The following BBS9 variants were observed in gnomAD, a reference collection of about 807,000 sequenced individuals.
BBS9 encodes the protein protein PTHB1.
In BBS9, 89 loss-of-function variants were observed where a neutral mutation model predicts 117.7. The ratio of observed to expected loss-of-function variants is 0.76; its 90% confidence interval spans 0.64 to 0.90. The LOEUF is 0.90. Ranked by LOEUF, BBS9 falls within the 40% of genes least tolerant of loss-of-function variation. BBS9 has a pLI of 0.00. For synonymous variants in BBS9, 379 were observed against 370.9 expected (o/e 1.02, Z -0.25); for missense variants, 982 against 1,042.2 (o/e 0.94, Z 0.80).
In BBS9 at chr7:33,180,763, C is replaced by T. The variant is rs138471733; in HGVS notation, c.442+3172C>T. Among the ~76,000 whole-genome samples, 713 of 152,262 alleles carry T rather than the reference C, an allele frequency of 4.7e-3. 3 individuals are homozygous for T. Among genetic ancestry groups the T allele is most frequent in the Middle Eastern group, 0.01 (3 of 294 alleles). Reference sequence around the variant, plus strand: ...GCCCATTCTCTCCTGGAGAACAGGTCTCCAGTTGCCTCTTGTAGGGAGAAA... The same window carrying T: ...GCCCATTCTCTCCTGGAGAACAGGTTTCCAGTTGCCTCTTGTAGGGAGAAA... On this transcript the variant is annotated intron_variant, in intron 5 of 22. Coordinates refer to ENST00000242067, the MANE Select transcript of BBS9 (RefSeq NM_198428.3).
chr7:33,171,560 A>T (rs1038000624), intron 4 of BBS9, among the ~76,000 whole-genome samples: 1 of 152,220 alleles, frequency 6.6e-6, no homozygotes, highest in Non-Finnish European at 1.5e-5. Context: ...AACTAATTTT[A>T]TATCAGTATT....
At chr7:33,358,040 G>A (rs766037898) in intron 16 of BBS9, 45 bp downstream of exon 16, 1 of 1,582,732 alleles carries the variant, frequency 6.3e-7, no homozygotes, top group African/African-American at 1.3e-5. Context: ...AAAATGCTAA[G>A]AATTTAGAAT....
intron 5 of BBS9, among the ~76,000 whole-genome samples, chr7:33,207,485 G>A (rs2128220395): frequency 6.7e-6 from 1 of 150,206 alleles, no homozygotes; most frequent in South Asian, 2.1e-4. Flanking sequence ...TCCCAGATTT[G>A]GCCAGTGGGA....
intron 20 of BBS9, among the ~76,000 whole-genome samples, chr7:33,522,649 C>A (rs895609018): frequency 6.6e-6 from 1 of 150,894 alleles, no homozygotes. Context: ...GGATATTAGC[C>A]CTTTGTCAGA....
downstream of BBS9, among the ~76,000 whole-genome samples, chr7:33,610,970 T>C: frequency 6.6e-6 from 1 of 152,084 alleles, no homozygotes; most frequent in East Asian, 1.9e-4. Context: ...CCATGAATTG[T>C]CCCAAAAGGG....
chr7:33,486,796 T>G (rs904086546), intron 19 of BBS9, among the ~76,000 whole-genome samples: 1 of 152,206 alleles, frequency 6.6e-6, no homozygotes, highest in African/African-American at 2.4e-5. Flanking sequence ...GTGACCCTGG[T>G]AGCCATTCAG....
chr7:33,520,539 A>C (rs1014894205), intron 20 of BBS9, among the ~76,000 whole-genome samples: 6 of 152,200 alleles, frequency 3.9e-5, no homozygotes, highest in African/African-American at 1.4e-4. Context: ...GATACAGAGA[A>C]CTAAAATAAT....
At chr7:33,409,956 C>A (rs774562090) in intron 19 of BBS9, among the ~76,000 whole-genome samples, 21 of 152,088 alleles carry the variant, frequency 1.4e-4, no homozygotes, top group Middle Eastern at 3.2e-3. Context: ...CATGCCTTTT[C>A]CAGTTATCTG....
intron 21 of BBS9, among the ~76,000 whole-genome samples, chr7:33,593,265 T>A (rs1263558499): frequency 1.3e-5 from 2 of 152,152 alleles, no homozygotes. Flanking sequence ...AAGCAAATAT[T>A]AACTTTCTTT....
rs1465282545 is a variant in BBS9, at chr7:33,459,458, CCAGCCCAAAATGTCCACAGGG to C, written c.2116-46003_2116-45983del. Among the ~76,000 whole-genome samples the C allele has an allele frequency of 7.0e-3, 1,066 of 152,060 alleles. 15 individuals are homozygous for C. Among genetic ancestry groups the C allele is most frequent in the African/African-American group, 0.025 (1,025 of 41,508 alleles). On this transcript the variant is annotated intron_variant, in intron 19 of 22. Transcript: ENST00000242067. ...AGCAGCCCTCACAGCAAACAAGTAT[CCAGCCCAAAATGTCCACAGGG>C]CTGAGGTTGAGAAGCTCTGCTCTAT...
At chr7:33,437,535 C>T (rs865776746) in intron 19 of BBS9, among the ~76,000 whole-genome samples, 1 of 152,172 alleles carries the variant, frequency 6.6e-6, no homozygotes, top group African/African-American at 2.4e-5. Context: ...TACTACTACA[C>T]AAGAAGTCAT....
chr7:33,191,117 G>A (rs1278384515), intron 5 of BBS9, among the ~76,000 whole-genome samples: 2 of 152,126 alleles, frequency 1.3e-5, no homozygotes, highest in South Asian at 2.1e-4. Context: ...ACCTAGAGTG[G>A]GGCTTAGGTG....
intron 1 of BBS9, among the ~76,000 whole-genome samples, chr7:33,135,442 T>C (rs1298643527): frequency 6.6e-6 from 1 of 152,244 alleles, no homozygotes; most frequent in African/African-American, 2.4e-5. Flanking sequence ...TTGTTGCAAT[T>C]ACTCTTTGAA....
chr7:33,184,198 T>C (rs1798487190), intron 5 of BBS9, among the ~76,000 whole-genome samples: 2 of 152,098 alleles, frequency 1.3e-5, no homozygotes, highest in South Asian at 4.2e-4. Flanking sequence ...TAGGGGAAGC[T>C]AGAGAAAGAC....
intron 19 of BBS9, among the ~76,000 whole-genome samples, chr7:33,447,063 G>A (rs1439449091): frequency 1.3e-5 from 2 of 152,230 alleles, no homozygotes; most frequent in Admixed American, 6.5e-5. Context: ...TCAGGCCTTA[G>A]AAGCATCCAT....
intron 21 of BBS9, among the ~76,000 whole-genome samples, chr7:33,582,574 A>C (rs1268011062): frequency 6.6e-6 from 1 of 152,002 alleles, no homozygotes; most frequent in African/African-American, 2.4e-5. Flanking sequence ...TGATGCTCAC[A>C]AGGTCAAAGT....
intron 21 of BBS9, among the ~76,000 whole-genome samples, chr7:33,536,892 T>C (rs6980418): frequency 0.12 from 18,317 of 151,724 alleles, 1,179 homozygotes; most frequent in African/African-American, 0.16. Flanking sequence ...TAAGAAATAC[T>C]GTGAGGAGTT....
intron 20 of BBS9, among the ~76,000 whole-genome samples, chr7:33,513,468 G>C (rs1167406289): frequency 6.6e-6 from 1 of 152,120 alleles, no homozygotes; most frequent in Non-Finnish European, 1.5e-5. Flanking sequence ...TTGTATACAA[G>C]TATTGCTTGA....
At chr7:33,254,912 A>G (rs1419769379) in intron 5 of BBS9, among the ~76,000 whole-genome samples, 1 of 152,174 alleles carries the variant, frequency 6.6e-6, no homozygotes, top group Non-Finnish European at 1.5e-5. Context: ...ATAATTAGCA[A>G]TGTTGAGCAC....
Sources: gnomAD v4.1 joint callset for allele counts (sites outside exome capture counted in the v4.1 genomes callset) on GRCh38, gnomAD v4.1.1 for gene constraint, MANE v1.5 for transcripts, NCBI Gene and HGNC (gene_info 2026-07-23, HGNC 2026-07-21) for gene names.